Variants in RNF6 observed in about 807,000 individuals in gnomAD.
RNF6 encodes the protein ring finger protein 6.
A neutral mutation model predicts 50.1 loss-of-function variants in RNF6; 21 were observed. That is an observed-to-expected ratio of 0.42 (90% confidence interval 0.30 to 0.60). The LOEUF is 0.60. Ranked by LOEUF, RNF6 falls within the 20% of genes least tolerant of loss-of-function variation. RNF6 has a pLI of 0.20. For missense variants in RNF6, 698 were observed against 838.2 expected (o/e 0.83, Z 2.07); for synonymous variants, 255 against 291.8 (o/e 0.87, Z 1.29).
chr13:26,189,991 C>T (rs552729911), intron 5 of RNF6, among the ~76,000 whole-genome samples: 2 of 152,334 alleles, frequency 1.3e-5, no homozygotes, highest in East Asian at 3.9e-4. Flanking sequence ...AATTTTCTTA[C>T]AGTTCTGTGC....
intron 4 of RNF6, among the ~76,000 whole-genome samples, chr13:26,216,002 G>A (rs1036931632): frequency 2.8e-4 from 43 of 152,204 alleles, no homozygotes; most frequent in Non-Finnish European, 4.7e-4. Context: ...TGTATTTGTG[G>A]AATCTTTCTG....
At chr13:26,142,521 A>G (rs1593143375) in intron 5 of RNF6, 1 of 152,224 alleles carries the variant, frequency 6.6e-6, no homozygotes, top group Non-Finnish European at 1.5e-5. Flanking sequence ...GTACATATAC[A>G]CCATGGAATA....
Position 26,149,518 on chromosome 13 carries a change from C to T in RNF6, n.769-17067G>A, listed in dbSNP as rs543724896. Among the ~76,000 whole-genome samples, 128 of 151,508 alleles carry T rather than the reference C, an allele frequency of 8.4e-4. 1 individual carries two copies. Among genetic ancestry groups the T allele is most frequent in the African/African-American group, 2.9e-3 (121 of 41,242 alleles). On this transcript the variant is annotated intron_variant and non_coding_transcript_variant, in intron 5 of 5. Transcript: ENST00000468480. ...AGGAGAATAGCGTGAACCCGGGAGG[C>T]GGAGCTTGCAGTGAGCCGAAATTGT...
At chr13:26,209,772 G>A (rs1869244417), downstream of RNF6, among the ~76,000 whole-genome samples, 1 of 147,524 alleles carries the variant, frequency 6.8e-6, no homozygotes, top group Admixed American at 6.9e-5. Context: ...AATTAAATGT[G>A]TGAGAAGATG....
chr13:26,186,643 A>T (rs879393620), intron 5 of RNF6, among the ~76,000 whole-genome samples: 12 of 152,190 alleles, frequency 7.9e-5, no homozygotes, highest in Non-Finnish European at 1.6e-4. Flanking sequence ...CTCAGCTCTC[A>T]CAGGGCCCGC....
At chr13:26,158,322 C>T (rs1872045239) in intron 5 of RNF6, among the ~76,000 whole-genome samples, 1 of 152,180 alleles carries the variant, frequency 6.6e-6, no homozygotes, top group South Asian at 2.1e-4. Flanking sequence ...GAATGATCAA[C>T]TATGAGCAGC....
chr13:26,143,509 G>T lies in RNF6; in HGVS notation n.769-11058C>A, dbSNP rs1486329328. Among the ~76,000 whole-genome samples the T allele has an allele frequency of 5.4e-5, 8 of 148,126 alleles. No individual in the cohort carries two copies. The Admixed American group carries it at 5.5e-4, about 10-fold the overall frequency. On this transcript the variant is annotated intron_variant and non_coding_transcript_variant, in intron 5 of 5. Coordinates refer to the RNF6 transcript ENST00000468480. ...AACTAAGACCTCAGAGCATAAGGTTGTAGGAACAGGAAGAAAACTTTTGCT... is the reference window on the plus strand; with the variant it reads ...AACTAAGACCTCAGAGCATAAGGTTTTAGGAACAGGAAGAAAACTTTTGCT...
chr13:26,217,390 C>A (rs570978193), intron 4 of RNF6, among the ~76,000 whole-genome samples: 1 of 152,314 alleles, frequency 6.6e-6, no homozygotes, highest in South Asian at 2.1e-4. Flanking sequence ...AGTACCTACT[C>A]AAAGCTACCC....
Position 26,214,251 on chromosome 13 carries a change from C to T in RNF6, c.1631G>A (p.Gly544Glu), listed in dbSNP as rs1241427432. ...EGSSQDRQAQ[G>E]DSTEMHGENE... The stretch of plus-strand genomic sequence containing the variant: ...TTCACCATGCATTTCAGTGCTGTCT[C>T]CTTGGGCCTGCCTGTCTTGAGAGGA... Residue 544 changes from glycine to glutamate, a missense_variant, in exon 5 of 5, where the codon GGA (glycine) becomes GAA (glutamate). By Grantham distance (98) the Gly-to-Glu change is moderately conservative (BLOSUM62 -2). Coordinates refer to ENST00000381588, the MANE Select transcript of RNF6 (RefSeq NM_005977.4). 1.2e-6 allele frequency: 2 copies of T among 1,614,146 alleles called. No homozygotes were observed. The highest frequency in any genetic ancestry group is 1.1e-5 in the South Asian group (1 of 91,074).
chr13:26,190,552 C>A (rs1868413877), intron 5 of RNF6, among the ~76,000 whole-genome samples: 1 of 152,144 alleles, frequency 6.6e-6, no homozygotes. Context: ...TTGGCCAACC[C>A]TAAATGTGAG....
intron 5 of RNF6, among the ~76,000 whole-genome samples, chr13:26,144,045 C>T (rs1401680077): frequency 6.6e-6 from 1 of 152,188 alleles, no homozygotes. Context: ...CAACCTGCCA[C>T]TAAGTAGATT....
rs112471447 is a variant in RNF6 at position 26,135,263 on chromosome 13, A to T, written n.769-2812T>A. 7.0e-3 allele frequency among the ~76,000 whole-genome samples: 1,071 copies of T among 152,364 alleles called. 14 individuals are homozygous for T. The highest frequency in any genetic ancestry group is 0.018 in the Admixed American group (276 of 15,308). On this transcript the variant is annotated intron_variant and non_coding_transcript_variant, in intron 5 of 5. Transcript: ENST00000468480. ...GTAATTTTAACATCAGAGAACTAAT[A>T]GCTTCAAAACAATATGTTTAAGGGT...
chr13:26,210,036 A>T (rs1869259108), downstream of RNF6, among the ~76,000 whole-genome samples: 1 of 152,224 alleles, frequency 6.6e-6, no homozygotes, highest in Non-Finnish European at 1.5e-5. Context: ...TAACACACTC[A>T]TACTCACTGA....
intron 5 of RNF6, among the ~76,000 whole-genome samples, chr13:26,133,326 G>A (rs552753100): frequency 2.6e-5 from 4 of 152,120 alleles, no homozygotes; most frequent in Non-Finnish European, 5.9e-5. Context: ...GGATTTGTTT[G>A]GATTTATCTC....
At chr13:26,194,231 T>C (rs1868572101) in intron 5 of RNF6, among the ~76,000 whole-genome samples, 1 of 152,190 alleles carries the variant, frequency 6.6e-6, no homozygotes, top group African/African-American at 2.4e-5. Context: ...ACAGTGGTTA[T>C]GGTTTAGCCA....
intron 5 of RNF6, among the ~76,000 whole-genome samples, chr13:26,199,874 T>C (rs1213957759): frequency 1.3e-5 from 2 of 152,172 alleles, no homozygotes. Context: ...TGTGATAGTA[T>C]TAGGAAGTGG....
At chr13:26,218,442 G>A (rs1274754075) in intron 4 of RNF6, 69 bp downstream of exon 4, 1 of 1,194,052 alleles carries the variant, frequency 8.4e-7, no homozygotes, top group African/African-American at 1.5e-5. Context: ...TACTATACAA[G>A]GTCTAAGAAT....
downstream of RNF6, among the ~76,000 whole-genome samples, chr13:26,211,446 C>G (rs1430810150): frequency 6.6e-6 from 1 of 152,078 alleles, no homozygotes; most frequent in African/African-American, 2.4e-5. Context: ...GGTAGAACTT[C>G]CTGAGGAATA....
intron 5 of RNF6, among the ~76,000 whole-genome samples, chr13:26,162,318 C>A (rs1296227062): frequency 1.3e-5 from 2 of 152,176 alleles, no homozygotes; most frequent in Non-Finnish European, 2.9e-5. Context: ...TCACCATGCC[C>A]TGCCCTGCTT....
Sources: allele counts gnomAD v4.1 joint callset (sites outside exome capture counted in the v4.1 genomes callset), GRCh38; gene constraint gnomAD v4.1.1; transcripts MANE v1.5; gene names NCBI Gene and HGNC (gene_info 2026-07-23, HGNC 2026-07-21).